FAM20C: variants seen among roughly 807,000 people sequenced by gnomAD.
FAM20C encodes FAM20C golgi associated secretory pathway kinase, also known as extracellular serine/threonine protein kinase FAM20C.
Under a neutral mutation model 51.5 loss-of-function variants are expected in FAM20C, and 40 were observed. The observed-to-expected ratio is 0.78, with a 90% CI of 0.60 to 1.01. The LOEUF (loss-of-function observed/expected upper bound fraction) is 1.01, where lower values mean the gene tolerates loss of function less well. Ranked by LOEUF, FAM20C falls within the 50% of genes least tolerant of loss-of-function variation. FAM20C has a pLI of 0.00. For missense variants in FAM20C, 861 were observed against 844.7 expected (o/e 1.02, Z -0.24); for synonymous variants, 406 against 380.6 (o/e 1.07, Z -0.78).
At chr7:195,862 C>A (rs1785842494) in intron 2 of FAM20C, 130 bp downstream of exon 2, 16 of 895,960 alleles carry the variant, frequency 1.8e-5, no homozygotes, top group Non-Finnish European at 2.2e-5. Context: ...CCTCCTGCAG[C>A]AATCTGCACG....
rs1189257992 is a variant in FAM20C, at chr7:259,824, G to A, written c.1599G>A (p.Gln533=). 1 of 1,536,404 alleles carries A rather than the reference G, an allele frequency of 6.5e-7. No homozygotes were observed. The highest frequency in any genetic ancestry group is 8.7e-7 in the Non-Finnish European group (1 of 1,146,900). ...LLMAESLRGD[Q]VAPVLYQPHL... ...TGGCCGAGTCTCTGCGGGGGGACCAGGTGGCACCCGTGCTGTACCAGCCGC... is the reference window on the plus strand; with the variant it reads ...TGGCCGAGTCTCTGCGGGGGGACCAAGTGGCACCCGTGCTGTACCAGCCGC... Residue 533 remains glutamine (Q), a synonymous_variant, in exon 10 of 10, where the codon CAG becomes CAA. Transcript: ENST00000313766.
At chr7:240,838 C>T (rs1334842790) in intron 3 of FAM20C, among the ~76,000 whole-genome samples, 1 of 152,196 alleles carries the variant, frequency 6.6e-6, no homozygotes, top group Non-Finnish European at 1.5e-5. Context: ...GAAAGCCCCA[C>T]AGAGGGGCTG....
intron 3 of FAM20C, among the ~76,000 whole-genome samples, chr7:240,589 A>G (rs1303716593): frequency 6.6e-6 from 1 of 152,032 alleles, no homozygotes; most frequent in Non-Finnish European, 1.5e-5. Flanking sequence ...AGGTGGCAAG[A>G]GCTCAAGGCT....
rs192284775 is a variant in FAM20C, at chr7:202,705, C to T, written c.785-6193C>T. 1.7e-4 allele frequency among the ~76,000 whole-genome samples: 25 copies of T among 147,148 alleles called. No homozygotes were observed. The East Asian group carries it at 3.7e-3, about 22-fold the overall frequency. On this transcript the variant is annotated intron_variant, in intron 2 of 9. Transcript: ENST00000313766. ...CATCTTCCCGTGTGCATAGCGAGGACGGGTGGCTGCTGGGTGGGATTGTAC... is the reference window on the plus strand; with the variant it reads ...CATCTTCCCGTGTGCATAGCGAGGATGGGTGGCTGCTGGGTGGGATTGTAC...
chr7:252,477 C>A (rs1042271872), intron 5 of FAM20C, among the ~76,000 whole-genome samples: 4 of 150,980 alleles, frequency 2.6e-5, no homozygotes, highest in Non-Finnish European at 5.9e-5. Flanking sequence ...CAGACACCCC[C>A]TCGGCCTCCC....
intron 5 of FAM20C, among the ~76,000 whole-genome samples, chr7:254,164 G>T (rs1335660740): frequency 2.0e-5 from 3 of 152,210 alleles, no homozygotes; most frequent in African/African-American, 7.2e-5. Context: ...AGGTCGGCCT[G>T]GCACCCACCC....
chr7:249,225 G>A (rs1169264894), intron 5 of FAM20C, among the ~76,000 whole-genome samples: 3 of 151,454 alleles, frequency 2.0e-5, no homozygotes, highest in Non-Finnish European at 4.4e-5. Flanking sequence ...AGGGTGGGCG[G>A]CCTCCCCCGC....
intron 3 of FAM20C, among the ~76,000 whole-genome samples, chr7:236,705 C>T (rs1191477834): frequency 6.6e-5 from 10 of 151,114 alleles, no homozygotes; most frequent in African/African-American, 2.4e-4. Context: ...GTCGGGGTTT[C>T]ATGCGGAGGT....
chr7:245,007 C>T (rs1198621361), intron 3 of FAM20C, among the ~76,000 whole-genome samples: 3 of 152,228 alleles, frequency 2.0e-5, no homozygotes, highest in Non-Finnish European at 4.4e-5. Flanking sequence ...GTGACCCAGA[C>T]GTGGTCCCCC....
At chr7:211,482 T>C (rs1786711334) in intron 3 of FAM20C, among the ~76,000 whole-genome samples, 2 of 149,816 alleles carry the variant, frequency 1.3e-5, no homozygotes, top group Non-Finnish European at 3.0e-5. Flanking sequence ...GTCCCCAGCG[T>C]GGCCACATGA....
Position 258,341 on chromosome 7 carries a change from C to T in FAM20C, c.1446-305C>T, listed in dbSNP as rs772130001. Among the ~76,000 whole-genome samples, 551 of 88,956 alleles carry T rather than the reference C, an allele frequency of 6.2e-3. 22 individuals carry two copies. Among genetic ancestry groups the T allele is most frequent in the Non-Finnish European group, 8.3e-3 (340 of 41,072 alleles). The allele number at this position is 88,956 out of a possible 152,430, so 58.4% of individuals were successfully genotyped here. ...CACTGCCCGGGGTGCTGGAGATGGGCAGGGTGGACCCACTGCCTGAGGTGC... is the reference window on the plus strand; with the variant it reads ...CACTGCCCGGGGTGCTGGAGATGGGTAGGGTGGACCCACTGCCTGAGGTGC... On this transcript the variant is annotated intron_variant, in intron 8 of 9. Coordinates refer to ENST00000313766, the MANE Select transcript of FAM20C (RefSeq NM_020223.4).
intron 3 of FAM20C, among the ~76,000 whole-genome samples, chr7:231,701 C>T (rs773838359): frequency 2.6e-5 from 4 of 152,130 alleles, no homozygotes; most frequent in East Asian, 1.9e-4. Flanking sequence ...GTGAGGGGCG[C>T]GTGCGTCTGG....
chr7:227,829 G>GA (rs2115110308), intron 3 of FAM20C: 1 of 152,664 alleles, frequency 6.6e-6, no homozygotes, highest in East Asian at 1.9e-4. Context: ...TTTTCAAGTG[G>GA]AAATGACTTC....
intron 3 of FAM20C, among the ~76,000 whole-genome samples, chr7:243,106 G>A (rs1788008207): frequency 1.6e-5 from 2 of 123,130 alleles, no homozygotes; most frequent in African/African-American, 6.8e-5. Flanking sequence ...CCACCCGGGA[G>A]ACCTGTGCCA....
chr7:214,825 T>C (rs1435830073), intron 3 of FAM20C, among the ~76,000 whole-genome samples: 5 of 152,168 alleles, frequency 3.3e-5, no homozygotes, highest in Admixed American at 3.3e-4. Context: ...CCATCTTGCG[T>C]CTTGGAAAGA....
intron 2 of FAM20C, among the ~76,000 whole-genome samples, chr7:205,776 G>A (rs552309314): frequency 2.0e-4 from 31 of 151,982 alleles, no homozygotes; most frequent in Middle Eastern, 3.4e-3. Context: ...GCCCTCCCCC[G>A]TGCTCCTGGC....
intron 3 of FAM20C, chr7:229,043 C>T (rs28605504): frequency 1.1e-5 from 4 of 352,634 alleles, no homozygotes; most frequent in Admixed American, 3.8e-5. Context: ...CCCCCCACCA[C>T]CAAGATGCCT....
In FAM20C at chr7:258,411, G is replaced by C. The variant is rs796091472; in HGVS notation, c.1446-235G>C. On this transcript the variant is annotated intron_variant, in intron 8 of 9. Coordinates refer to ENST00000313766, the MANE Select transcript of FAM20C (RefSeq NM_020223.4). Reference sequence around the variant, plus strand: ...CCCACTGCCCGGGATGCTGGAGATGGGTGGGGTGGACCCACTGCCTGGGGT... The same window carrying C: ...CCCACTGCCCGGGATGCTGGAGATGCGTGGGGTGGACCCACTGCCTGGGGT... 8.5e-3 allele frequency among the ~76,000 whole-genome samples: 762 copies of C among 90,116 alleles called. 99 individuals carry two copies. Among genetic ancestry groups the C allele is most frequent in the Middle Eastern group, 0.023 (4 of 174 alleles). 59.1% of individuals were successfully genotyped at this position (90,116 alleles called of 152,430 possible). A position where few individuals can be genotyped will look rare whatever the true frequency, so the allele number is the denominator to read the frequency against.
chr7:250,079 T>C (rs144802238), intron 5 of FAM20C, among the ~76,000 whole-genome samples: 1,952 of 152,332 alleles, frequency 0.013, 19 homozygotes, highest in South Asian at 0.022. Flanking sequence ...CTGGCCCATC[T>C]GTTTAATTCA....
Sources: gnomAD v4.1 joint callset for allele counts (sites outside exome capture counted in the v4.1 genomes callset) on GRCh38, gnomAD v4.1.1 for gene constraint, MANE v1.5 for transcripts, NCBI Gene and HGNC (gene_info 2026-07-23, HGNC 2026-07-21) for gene names.